PRKG1: variants seen among roughly 807,000 people sequenced by gnomAD.
PRKG1 encodes the protein protein kinase cGMP-dependent 1, also known as cGMP-dependent protein kinase 1.
In PRKG1, 35 loss-of-function variants were observed where a neutral mutation model predicts 88.1. That is an observed-to-expected ratio of 0.40 (90% CI 0.30 to 0.53). PRKG1 has a LOEUF of 0.53. Among genes scored for constraint, PRKG1 ranks in the 20% least tolerant of loss-of-function variants. PRKG1 has a pLI of 0.59. For missense variants in PRKG1, 540 were observed against 839.8 expected, an observed-to-expected ratio of 0.64 and a Z score of 4.41; for synonymous variants, 303 against 292.5, an observed-to-expected ratio of 1.04 and a Z score of -0.37.
At chr10:51,620,422 A>G (rs557684353) in intron 3 of PRKG1, among the ~76,000 whole-genome samples, 4 of 152,072 alleles carry the variant, frequency 2.6e-5, no homozygotes, top group Non-Finnish European at 4.4e-5. Context: ...CTTGACTTAG[A>G]GGCATGAAGA....
intron 5 of PRKG1, among the ~76,000 whole-genome samples, chr10:51,990,915 T>C (rs1844289286): frequency 6.6e-6 from 1 of 152,182 alleles, no homozygotes; most frequent in Non-Finnish European, 1.5e-5. Context: ...TATAGCTGCA[T>C]AGTATTCCAT....
At chr10:51,743,623 T>A (rs906668216) in intron 3 of PRKG1, among the ~76,000 whole-genome samples, 12 of 82,228 alleles carry the variant, frequency 1.5e-4, no homozygotes, top group African/African-American at 5.0e-4. Context: ...TCCCCACTTG[T>A]TTAATTTATT....
At position 51,679,724 on chromosome 10, in the gene PRKG1, GT is replaced by G. The variant is rs767932532; in HGVS notation, c.593-124850del. ...GGGAACTTTTTTTTTTTTTTTTAAT[GT>G]TTTTTTTTTTATTATACTCTAAGTT... On this transcript the variant is annotated intron_variant, in intron 3 of 17. Transcript: ENST00000373980. Among the ~76,000 whole-genome samples, 914 of 117,278 alleles carry G rather than the reference GT, an allele frequency of 7.8e-3. 8 individuals are homozygous for G. Among genetic ancestry groups the G allele is most frequent in the Admixed American group, 0.016 (170 of 10,328 alleles). 76.9% of individuals were successfully genotyped at this position (117,278 alleles called of 152,430 possible). A position where few individuals can be genotyped will look rare whatever the true frequency, so the allele number is the denominator to read the frequency against.
intron 1 of PRKG1, among the ~76,000 whole-genome samples, chr10:51,076,396 A>T (rs9414806): frequency 0.25 from 38,017 of 152,104 alleles, 4,950 homozygotes; most frequent in African/African-American, 0.3. Flanking sequence ...CAATCCTGAC[A>T]TGCCTGACTG....
intron 14 of PRKG1, among the ~76,000 whole-genome samples, chr10:52,288,072 T>C (rs1447538697): frequency 6.6e-6 from 1 of 152,258 alleles, no homozygotes; most frequent in Admixed American, 6.6e-5. Flanking sequence ...AACTAGAGCA[T>C]GAAATTAGAT....
chr10:51,868,017 A>G (rs774141833), intron 4 of PRKG1, among the ~76,000 whole-genome samples: 51 of 152,284 alleles, frequency 3.3e-4, no homozygotes, highest in Non-Finnish European at 6.5e-4. Flanking sequence ...TGGCCTGTAT[A>G]TACCAGTGAC....
chr10:51,310,469 G>A (rs1284071989), intron 2 of PRKG1, among the ~76,000 whole-genome samples: 2 of 152,134 alleles, frequency 1.3e-5, no homozygotes, highest in Admixed American at 6.5e-5. Context: ...CATAGCAAAC[G>A]CAGAAAGTAC....
At chr10:52,174,946 T>C (rs1044100520) in intron 9 of PRKG1, among the ~76,000 whole-genome samples, 3 of 152,058 alleles carry the variant, frequency 2.0e-5, no homozygotes, top group Admixed American at 6.6e-5. Context: ...AGTGATCTGA[T>C]CAGGGCGATT....
At chr10:51,742,481 T>A (rs1837459950) in intron 3 of PRKG1, among the ~76,000 whole-genome samples, 1 of 152,076 alleles carries the variant, frequency 6.6e-6, no homozygotes, top group South Asian at 2.1e-4. Flanking sequence ...ACCAGAGAGA[T>A]TATTAAACAG....
intron 7 of PRKG1, among the ~76,000 whole-genome samples, chr10:52,102,054 T>C (rs1161833873): frequency 6.6e-6 from 1 of 152,220 alleles, no homozygotes; most frequent in East Asian, 1.9e-4. Flanking sequence ...GCTGACAGTC[T>C]TATGGATGCA....
At chr10:51,447,149 G>A (rs293256) in intron 2 of PRKG1, among the ~76,000 whole-genome samples, 4,606 of 152,070 alleles carry the variant, frequency 0.03, 243 homozygotes, top group African/African-American at 0.1. Flanking sequence ...GTCTGTAAGT[G>A]GTCATTTAGG....
At chr10:51,991,418 A>C (rs1384378587) in intron 5 of PRKG1, among the ~76,000 whole-genome samples, 1 of 151,988 alleles carries the variant, frequency 6.6e-6, no homozygotes, top group East Asian at 1.9e-4. Context: ...TCTAGGGTAC[A>C]TGTGCACAAC....
intron 3 of PRKG1, among the ~76,000 whole-genome samples, chr10:51,715,146 G>T (rs1056330316): frequency 1.3e-5 from 2 of 152,114 alleles, no homozygotes; most frequent in Non-Finnish European, 2.9e-5. Flanking sequence ...TAATAGGGAG[G>T]TTTGGTTTTT....
At chr10:51,040,918 T>C (rs1441009004) in intron 1 of PRKG1, among the ~76,000 whole-genome samples, 1 of 152,158 alleles carries the variant, frequency 6.6e-6, no homozygotes, top group Non-Finnish European at 1.5e-5. Context: ...TAAGTTTATA[T>C]CATCTGTAAA....
intron 9 of PRKG1, among the ~76,000 whole-genome samples, chr10:52,186,470 C>T (rs1380515032): frequency 2.0e-5 from 3 of 152,034 alleles, no homozygotes; most frequent in Admixed American, 1.3e-4. Flanking sequence ...AAGGATTTTC[C>T]CCCAGGATCC....
chr10:51,932,866 C>G (rs139505379), intron 5 of PRKG1, among the ~76,000 whole-genome samples: 1 of 151,838 alleles, frequency 6.6e-6, no homozygotes, highest in Non-Finnish European at 1.5e-5. Flanking sequence ...GGAGGTGAAG[C>G]GGGGGTTATC....
At chr10:52,081,640 TGGATCTTACATTCTGAGGTAA>T (rs1846778982) in intron 7 of PRKG1, 2 of 456,682 alleles carry the variant, frequency 4.4e-6, no homozygotes, top group Non-Finnish European at 8.8e-6. Flanking sequence ...TGTTTCTTCA[TGGATCTTACATTCTGAGGTAA>T]GGAGTAACGA....
chr10:51,203,929 T>C (rs1380964521), intron 2 of PRKG1, among the ~76,000 whole-genome samples: 1 of 152,228 alleles, frequency 6.6e-6, no homozygotes, highest in African/African-American at 2.4e-5. Flanking sequence ...GATGGATGAA[T>C]GAATTTTTGC....
intron 3 of PRKG1, among the ~76,000 whole-genome samples, chr10:51,621,452 G>A (rs1453545794): frequency 6.6e-6 from 1 of 151,910 alleles, no homozygotes; most frequent in Non-Finnish European, 1.5e-5. Flanking sequence ...ATTGTCTCAA[G>A]ATGGCATTTG....
Sources: allele counts gnomAD v4.1 joint callset (sites outside exome capture counted in the v4.1 genomes callset), GRCh38; gene constraint gnomAD v4.1.1; transcripts MANE v1.5; gene names NCBI Gene and HGNC (gene_info 2026-07-23, HGNC 2026-07-21).